The following ABTB3 variants were observed in gnomAD, a reference collection of about 807,000 sequenced individuals.
ABTB3 encodes ankyrin repeat- and BTB/POZ domain-containing protein 3.
At chr12:107,494,549 A>ATTTT in the ABTB3 span, among the ~76,000 whole-genome samples, 1 of 152,158 alleles carries the variant, frequency 6.6e-6, no homozygotes, top group African/African-American at 2.4e-5. Flanking sequence ...TGGCCCAGAG[A>ATTTT]TAAGACTTAG....
At chr12:107,391,247 G>A in the ABTB3 span, among the ~76,000 whole-genome samples, 23 of 152,312 alleles carry the variant, frequency 1.5e-4, no homozygotes, top group East Asian at 4.2e-3. Flanking sequence ...AGGAAGCTGG[G>A]GCACAGAGGA....
chr12:107,492,497 T>C, the ABTB3 span, among the ~76,000 whole-genome samples: 1 of 152,130 alleles, frequency 6.6e-6, no homozygotes, highest in East Asian at 1.9e-4. Flanking sequence ...CTAGCACCTT[T>C]CCTGCCATAC....
the ABTB3 span, among the ~76,000 whole-genome samples, chr12:107,540,719 C>T: frequency 6.6e-6 from 1 of 152,074 alleles, no homozygotes; most frequent in Non-Finnish European, 1.5e-5. Context: ...TGCTGTGGCT[C>T]ACTCATATAA....
chr12:107,455,409 G>A, the ABTB3 span, among the ~76,000 whole-genome samples: 1 of 151,810 alleles, frequency 6.6e-6, no homozygotes, highest in Admixed American at 6.6e-5. Flanking sequence ...CTCAGTGGGG[G>A]ATCTTACAAG....
the ABTB3 span, among the ~76,000 whole-genome samples, chr12:107,572,063 C>T: frequency 1.3e-5 from 2 of 152,196 alleles, no homozygotes; most frequent in Non-Finnish European, 2.9e-5. Context: ...TAAAGAAAAA[C>T]AGTCTTTACC....
the ABTB3 span, among the ~76,000 whole-genome samples, chr12:107,514,487 T>G: frequency 6.6e-6 from 1 of 152,182 alleles, no homozygotes; most frequent in Non-Finnish European, 1.5e-5. Context: ...CAAACTCATA[T>G]TTGAACCTCA....
the ABTB3 span, among the ~76,000 whole-genome samples, chr12:107,552,930 C>T: frequency 6.6e-6 from 1 of 152,184 alleles, no homozygotes; most frequent in Non-Finnish European, 1.5e-5. Context: ...CAGAACTGAA[C>T]AGAGCTGGGC....
chr12:107,405,529 G>A, the ABTB3 span, among the ~76,000 whole-genome samples: 3 of 152,238 alleles, frequency 2.0e-5, no homozygotes, highest in Non-Finnish European at 4.4e-5. Context: ...GGGCAGGCAA[G>A]GGATCAGAGC....
the ABTB3 span, among the ~76,000 whole-genome samples, chr12:107,535,209 G>A: frequency 6.6e-6 from 1 of 152,040 alleles, no homozygotes; most frequent in Non-Finnish European, 1.5e-5. Context: ...TCTCAATAGA[G>A]GCAGAAAATG....
At chr12:107,646,561 G>A in the ABTB3 span, among the ~76,000 whole-genome samples, 1 of 152,192 alleles carries the variant, frequency 6.6e-6, no homozygotes, top group Non-Finnish European at 1.5e-5. Context: ...GGAGAGGGGA[G>A]GGTAAACAAT....
chr12:107,498,229 A>C, the ABTB3 span, among the ~76,000 whole-genome samples: 1 of 152,230 alleles, frequency 6.6e-6, no homozygotes, highest in Non-Finnish European at 1.5e-5. Flanking sequence ...GAATTTACCC[A>C]GAGGGGAGAA....
the ABTB3 span, among the ~76,000 whole-genome samples, chr12:107,400,105 G>A: frequency 1.3e-5 from 2 of 152,282 alleles, no homozygotes; most frequent in Admixed American, 1.3e-4. Context: ...CATTTGGGTT[G>A]GTTCCAAGTC....
the ABTB3 span, among the ~76,000 whole-genome samples, chr12:107,646,071 T>C: frequency 2.0e-5 from 3 of 152,246 alleles, no homozygotes; most frequent in African/African-American, 7.2e-5. Context: ...CAAGTCTGTT[T>C]AACATCACGC....
the ABTB3 span, among the ~76,000 whole-genome samples, chr12:107,575,862 G>T: frequency 6.6e-6 from 1 of 152,166 alleles, no homozygotes; most frequent in East Asian, 1.9e-4. Flanking sequence ...GGACATCTTC[G>T]GTTAGGGGTG....
chr12:107,632,542 T>G, the ABTB3 span, among the ~76,000 whole-genome samples: 1 of 152,248 alleles, frequency 6.6e-6, no homozygotes, highest in Non-Finnish European at 1.5e-5. Context: ...TGTGGTCCAA[T>G]AGATGTAAAC....
chr12:107,638,889 C>T, the ABTB3 span, among the ~76,000 whole-genome samples: 1 of 152,216 alleles, frequency 6.6e-6, no homozygotes, highest in Non-Finnish European at 1.5e-5. Flanking sequence ...TCTTACTACA[C>T]TTTACCACCT....
At chr12:107,522,844 G>T in the ABTB3 span, among the ~76,000 whole-genome samples, 5 of 151,982 alleles carry the variant, frequency 3.3e-5, no homozygotes, top group African/African-American at 9.7e-5. Flanking sequence ...AGGGAAAAGA[G>T]GCAGAAAGAT....
chr12:107,495,389 A>G, the ABTB3 span, among the ~76,000 whole-genome samples: 2 of 152,170 alleles, frequency 1.3e-5, no homozygotes, highest in African/African-American at 4.8e-5. Context: ...TTGTCCCCCA[A>G]GCCCCAGCGG....
the ABTB3 span, among the ~76,000 whole-genome samples, chr12:107,608,203 C>A: frequency 6.6e-6 from 1 of 152,108 alleles, no homozygotes; most frequent in Non-Finnish European, 1.5e-5. Flanking sequence ...ATCCCAGTAG[C>A]CACCGTCTCA....
Sources: allele counts gnomAD v4.1 joint callset (sites outside exome capture counted in the v4.1 genomes callset), GRCh38; gene constraint gnomAD v4.1.1; transcripts MANE v1.5; gene names NCBI Gene and HGNC (gene_info 2026-07-23, HGNC 2026-07-21).